Variants in PLD1 observed in about 807,000 individuals in gnomAD.
The protein encoded by PLD1 is choline phosphatase 1.
PLD1 carries 112 observed loss-of-function variants against 137.1 expected under a neutral mutation model. The ratio of observed to expected loss-of-function variants is 0.82; its 90% CI spans 0.70 to 0.96. The LOEUF (loss-of-function observed/expected upper bound fraction) is 0.96, where lower values mean the gene tolerates loss of function less well. PLD1 is among the 40% of genes least tolerant of loss of function. The pLI is 0.00. For missense variants in PLD1, 1,321 were observed against 1,342.0 expected (o/e 0.98, Z 0.24); for synonymous variants, 431 against 454.7 (o/e 0.95, Z 0.66).
In PLD1 at chr3:171,772,943, A is replaced by G. The variant is rs560802918; in HGVS notation, c.-31-34861T>C. 4.6e-5 allele frequency among the ~76,000 whole-genome samples: 7 copies of G among 152,330 alleles called. No individual in the cohort carries two copies. In the South Asian group the frequency reaches 1.0e-3, roughly 23 times the overall value. ...GGAAATCCTCTGATAAATAATATTG[A>G]TCTCTCCTCTGCAGAAAGAGCTTCA... On this transcript the variant is annotated intron_variant, in intron 1 of 26. Coordinates refer to ENST00000351298, the MANE Select transcript of PLD1 (RefSeq NM_002662.5).
chr3:171,713,726 TTAAAA>T (rs1298981488), intron 9 of PLD1, among the ~76,000 whole-genome samples, 162 bp downstream of exon 9: 2 of 152,216 alleles, frequency 1.3e-5, no homozygotes, highest in Admixed American at 1.3e-4. Flanking sequence ...AGGATACTCT[TTAAAA>T]TATATACAAG....
At chr3:171,652,766 ATTTTTTT>A (rs1174564536) in intron 21 of PLD1, among the ~76,000 whole-genome samples, 7 of 75,628 alleles carry the variant, frequency 9.3e-5, no homozygotes, top group East Asian at 4.0e-4. Flanking sequence ...ACACTCAGCT[ATTTTTTT>A]TTTTTTTTTT....
chr3:171,669,018 C>T (rs1321058571), intron 19 of PLD1, among the ~76,000 whole-genome samples: 1 of 152,164 alleles, frequency 6.6e-6, no homozygotes, highest in Admixed American at 6.5e-5. Context: ...AGGCCCAGCA[C>T]TGAGGGGAAA....
At chr3:171,772,041 A>C (rs959376369) in intron 1 of PLD1, among the ~76,000 whole-genome samples, 1 of 152,260 alleles carries the variant, frequency 6.6e-6, no homozygotes, top group Non-Finnish European at 1.5e-5. Flanking sequence ...CTAAGATTTC[A>C]AAATAAGAAA....
chr3:171,800,017 T>C (rs1723581761), intron 1 of PLD1, among the ~76,000 whole-genome samples: 1 of 152,112 alleles, frequency 6.6e-6, no homozygotes, highest in Non-Finnish European at 1.5e-5. Flanking sequence ...AAAAAGGACA[T>C]GGGAGAACAT....
At chr3:171,778,885 G>A (rs1381294576) in intron 1 of PLD1, among the ~76,000 whole-genome samples, 1 of 152,204 alleles carries the variant, frequency 6.6e-6, no homozygotes, top group African/African-American at 2.4e-5. Flanking sequence ...GATTACACAA[G>A]TTGGGTAGGT....
At chr3:171,739,211 T>G (rs2108268466) in intron 1 of PLD1, among the ~76,000 whole-genome samples, 1 of 152,222 alleles carries the variant, frequency 6.6e-6, no homozygotes. Flanking sequence ...CTTAGCTGGG[T>G]CTCTCCTGCA....
intron 1 of PLD1, among the ~76,000 whole-genome samples, chr3:171,801,416 T>G (rs1723640575): frequency 6.6e-6 from 1 of 152,236 alleles, no homozygotes; most frequent in Non-Finnish European, 1.5e-5. Flanking sequence ...GTTTCTGGCA[T>G]GCCTTTCTTT....
intron 12 of PLD1, among the ~76,000 whole-genome samples, chr3:171,695,989 A>C (rs1715659139): frequency 6.6e-6 from 1 of 152,194 alleles, no homozygotes; most frequent in South Asian, 2.1e-4. Context: ...ACTGTTGCCC[A>C]CCACTTTGAT....
rs944680915 is a variant in PLD1 at position 171,602,926 on chromosome 3, T to A, written c.*152A>T. ...CTGATGTTTACAGTCCTTACATCAATGTGACTGCAGCCCTCCCCAGTCATT... is the reference window on the plus strand; with the variant it reads ...CTGATGTTTACAGTCCTTACATCAAAGTGACTGCAGCCCTCCCCAGTCATT... On this transcript the variant is annotated 3_prime_UTR_variant, in exon 27 of 27. Transcript: ENST00000351298. The A allele has an allele frequency of 1.6e-6, 1 of 616,672 alleles. No homozygotes were observed. 38.2% of individuals were successfully genotyped at this position (616,672 alleles called of 1,614,324 possible).
At chr3:171,604,937 G>T (rs1202168810) in intron 26 of PLD1, among the ~76,000 whole-genome samples, 1 of 152,196 alleles carries the variant, frequency 6.6e-6, no homozygotes, top group African/African-American at 2.4e-5. Context: ...CACCAGCAAC[G>T]GGGTGAGCTA....
At chr3:171,636,822 CA>C (rs1333861755) in intron 23 of PLD1, among the ~76,000 whole-genome samples, 1 of 152,180 alleles carries the variant, frequency 6.6e-6, no homozygotes, top group Non-Finnish European at 1.5e-5. Context: ...TGAACTTTCT[CA>C]TCTCATCACT....
intron 1 of PLD1, among the ~76,000 whole-genome samples, chr3:171,798,761 C>A (rs1163947338): frequency 6.6e-6 from 1 of 152,172 alleles, no homozygotes; most frequent in Non-Finnish European, 1.5e-5. Context: ...CTAGCCAGGT[C>A]CCAAGGCCCA....
chr3:171,766,365 A>C (rs2108321729), intron 1 of PLD1, among the ~76,000 whole-genome samples: 1 of 152,298 alleles, frequency 6.6e-6, no homozygotes, highest in Non-Finnish European at 1.5e-5. Flanking sequence ...TATAAGAAGA[A>C]AATATAAATC....
In PLD1 at chr3:171,725,807, G is replaced by A. The variant is rs4131285; in HGVS notation, c.665+211C>T. Among the ~76,000 whole-genome samples, 21,659 of 152,224 alleles carry A rather than the reference G, an allele frequency of 0.14. 1,606 individuals are homozygous for A. The highest frequency in any genetic ancestry group is 0.22 in the South Asian group (1,067 of 4,828). On this transcript the variant is annotated intron_variant, in intron 7 of 26. Coordinates refer to ENST00000351298, the MANE Select transcript of PLD1 (RefSeq NM_002662.5). ...TAGAAAGAATCTGTGCTGTAAGCAC[G>A]TGACAAAGACAGTGGAGCAGTTGCT...
At chr3:171,751,746 A>C (rs1430989972) in intron 1 of PLD1, among the ~76,000 whole-genome samples, 2 of 152,232 alleles carry the variant, frequency 1.3e-5, no homozygotes, top group Non-Finnish European at 2.9e-5. Context: ...CACGCCTGTA[A>C]TCCCAGCACT....
At chr3:171,709,244 T>C (rs1219789252) in intron 10 of PLD1, among the ~76,000 whole-genome samples, 1 of 152,222 alleles carries the variant, frequency 6.6e-6, no homozygotes, top group Non-Finnish European at 1.5e-5. Context: ...AGCAAGTAAA[T>C]GCTTTTTCCT....
At chr3:171,788,979 C>T (rs934770457) in intron 1 of PLD1, 1 of 152,100 alleles carries the variant, frequency 6.6e-6, no homozygotes, top group South Asian at 2.1e-4. Context: ...ACTGAGAATT[C>T]GAGGATGAAT....
intron 12 of PLD1, among the ~76,000 whole-genome samples, chr3:171,694,648 C>T (rs1715518579): frequency 6.6e-6 from 1 of 151,816 alleles, no homozygotes; most frequent in African/African-American, 2.4e-5. Context: ...ACCTGACATT[C>T]TTCATCATGA....
Sources: gnomAD v4.1 joint callset for allele counts (sites outside exome capture counted in the v4.1 genomes callset) on GRCh38, gnomAD v4.1.1 for gene constraint, MANE v1.5 for transcripts, NCBI Gene and HGNC (gene_info 2026-07-23, HGNC 2026-07-21) for gene names.